Variants in SPIRE1 observed in about 807,000 individuals in gnomAD.
SPIRE1 encodes spire type actin nucleation factor 1.
Under a neutral mutation model 94.1 loss-of-function variants are expected in SPIRE1, and 40 were observed. That is an observed-to-expected ratio of 0.43 (90% CI 0.33 to 0.55). The LOEUF (loss-of-function observed/expected upper bound fraction) is 0.55, where lower values mean the gene tolerates loss of function less well. SPIRE1 is among the 20% of genes least tolerant of loss of function. The pLI, the probability that SPIRE1 is intolerant of heterozygous loss-of-function variation, is 0.06. For synonymous variants in SPIRE1, 376 were observed against 371.7 expected (o/e 1.01, Z -0.13); for missense variants, 838 against 975.2 (o/e 0.86, Z 1.87).
intron 2 of SPIRE1, among the ~76,000 whole-genome samples, chr18:12,592,828 AT>A (rs2036571051): frequency 6.6e-6 from 1 of 152,226 alleles, no homozygotes; most frequent in African/African-American, 2.4e-5. Context: ...GCTGTAGATA[AT>A]TAACTTCTAT....
intron 2 of SPIRE1, among the ~76,000 whole-genome samples, chr18:12,595,922 AG>A (rs2036659503): frequency 6.6e-6 from 1 of 152,234 alleles, no homozygotes; most frequent in Non-Finnish European, 1.5e-5. Context: ...ATTTGCCACA[AG>A]AAAAAAAAGA....
At chr18:12,470,205 C>A (rs2032296752) in intron 10 of SPIRE1, among the ~76,000 whole-genome samples, 1 of 152,082 alleles carries the variant, frequency 6.6e-6, no homozygotes, top group Admixed American at 6.6e-5. Context: ...ACCTTGGCCT[C>A]CAAAAGTACT....
chr18:12,631,501 C>T (rs2037773040), intron 2 of SPIRE1, among the ~76,000 whole-genome samples: 1 of 117,562 alleles, frequency 8.5e-6, no homozygotes, highest in African/African-American at 3.3e-5. Context: ...TGCTTGAGCT[C>T]AGGAGTTGGA....
In SPIRE1 at chr18:12,632,045, C is replaced by CA. The variant is rs36021269; in HGVS notation, c.372+3016dup. On this transcript the variant is annotated intron_variant, in intron 2 of 16. Transcript: ENST00000409402. ...GGGTGACAGAGCAAGACTCTGTCTC[C>CA]AAAAAAAAAAAAGGCTGGATCTCAT... is the stretch of plus-strand genomic sequence containing the variant. 3.8e-4 allele frequency among the ~76,000 whole-genome samples: 55 copies of CA among 143,358 alleles called. 2 individuals carry two copies. The South Asian group carries it at 4.4e-3, about 11-fold the overall frequency. 94.0% of individuals were successfully genotyped at this position (143,358 alleles called of 152,430 possible).
At chr18:12,489,864 T>C (rs925381215) in intron 8 of SPIRE1, among the ~76,000 whole-genome samples, 3 of 152,240 alleles carry the variant, frequency 2.0e-5, no homozygotes, top group African/African-American at 7.2e-5. Context: ...GTTGTTATTA[T>C]GGGTAACATT....
At chr18:12,625,244 C>T (rs2037589169) in intron 2 of SPIRE1, among the ~76,000 whole-genome samples, 1 of 152,216 alleles carries the variant, frequency 6.6e-6, no homozygotes, top group Non-Finnish European at 1.5e-5. Flanking sequence ...ACAATTTCCT[C>T]TGAGGACGTA....
At chr18:12,596,095 A>G (rs1274445103) in intron 2 of SPIRE1, among the ~76,000 whole-genome samples, 1 of 152,148 alleles carries the variant, frequency 6.6e-6, no homozygotes, top group East Asian at 1.9e-4. Context: ...GTTCTTTAGC[A>G]CTCTAGGTTG....
intron 2 of SPIRE1, among the ~76,000 whole-genome samples, chr18:12,560,849 T>C (rs1321331900): frequency 1.3e-5 from 2 of 151,990 alleles, no homozygotes; most frequent in Non-Finnish European, 2.9e-5. Context: ...CAAGACTCCA[T>C]CTCAAAAAAA....
Position 12,472,502 on chromosome 18 carries a change from C to T in SPIRE1, c.1404+7197G>A, listed in dbSNP as rs138084594. Among the ~76,000 whole-genome samples, 1,105 of 150,696 alleles carry T rather than the reference C, an allele frequency of 7.3e-3. 9 individuals are homozygous for T. Among genetic ancestry groups the T allele is most frequent in the Non-Finnish European group, 0.012 (788 of 67,654 alleles). ...CCCACCTCAGCCTCCCAAGTAGCTG[C>T]GATTACAGGGATATGCCACCATGCC... On this transcript the variant is annotated intron_variant, in intron 10 of 16. Coordinates refer to ENST00000409402, the MANE Select transcript of SPIRE1 (RefSeq NM_001128626.2).
chr18:12,486,041 G>A, intron 8 of SPIRE1, 41 bp from the exon 9 acceptor site: 1 of 1,471,000 alleles, frequency 6.8e-7, no homozygotes, highest in Non-Finnish European at 9.2e-7. Flanking sequence ...AAATAATTCA[G>A]CTGTTAGGAA....
chr18:12,615,327 CA>C (rs1234229698), intron 2 of SPIRE1, among the ~76,000 whole-genome samples: 4 of 2,188 alleles, frequency 1.8e-3, no homozygotes, highest in South Asian at 0.019. Context: ...AACTCTGTCT[CA>C]AAAAAAAAAA....
At chr18:12,646,151 G>A (rs1414378322) in intron 1 of SPIRE1, among the ~76,000 whole-genome samples, 2 of 152,076 alleles carry the variant, frequency 1.3e-5, no homozygotes, top group Non-Finnish European at 1.5e-5. Context: ...ACCATATAAC[G>A]TCCTCCACAT....
chr18:12,587,259 A>G (rs1170337309), intron 2 of SPIRE1, among the ~76,000 whole-genome samples: 1 of 152,170 alleles, frequency 6.6e-6, no homozygotes, highest in African/African-American at 2.4e-5. Context: ...TGAAGTGAAA[A>G]GAGTACTGGA....
intron 2 of SPIRE1, among the ~76,000 whole-genome samples, chr18:12,611,658 A>C (rs2037144618): frequency 6.6e-6 from 1 of 152,066 alleles, no homozygotes; most frequent in African/African-American, 2.4e-5. Context: ...GTGACTCTTA[A>C]GTTTTACTTT....
At chr18:12,529,058 T>C (rs938074445) in intron 4 of SPIRE1, among the ~76,000 whole-genome samples, 5 of 151,976 alleles carry the variant, frequency 3.3e-5, no homozygotes, top group African/African-American at 9.7e-5. Context: ...AGGGAGATAA[T>C]AGGGCAACGC....
chr18:12,525,052 A>G (rs1208375484), intron 4 of SPIRE1, among the ~76,000 whole-genome samples: 3 of 151,756 alleles, frequency 2.0e-5, no homozygotes, highest in Non-Finnish European at 4.4e-5. Flanking sequence ...CGAGGCAGGC[A>G]GATCATGAGG....
Position 12,657,627 on chromosome 18 carries a change from G to GTGGCGGGGC in SPIRE1, c.231_239dup (p.Gln77_Arg79dup), listed in dbSNP as rs2038589316. 1 of 1,313,448 alleles carries GTGGCGGGGC rather than the reference G, an allele frequency of 7.6e-7. No homozygotes were observed. The highest frequency in any genetic ancestry group is 3.2e-5 in the East Asian group (1 of 31,506). 81.4% of individuals were successfully genotyped at this position (1,313,448 alleles called of 1,614,324 possible). A position where few individuals can be genotyped will look rare whatever the true frequency, so the allele number is the denominator to read the frequency against. ...GGATCTGCGCGGCCGAGCGCACACG[G>GTGGCGGGGC]TGGCGGGGCTGGCGGCGGCGGGCGG... On this transcript the variant is annotated inframe_insertion, in exon 1 of 17. Transcript: ENST00000409402.
At chr18:12,456,658 G>A (rs961352475) in intron 12 of SPIRE1, among the ~76,000 whole-genome samples, 5 of 152,154 alleles carry the variant, frequency 3.3e-5, no homozygotes, top group African/African-American at 1.2e-4. Context: ...TAACTGGGCT[G>A]TAAACCCTTC....
Position 12,618,396 on chromosome 18 carries a change from G to A in SPIRE1, c.372+16666C>T, listed in dbSNP as rs562073728. 1.4e-4 allele frequency among the ~76,000 whole-genome samples: 22 copies of A among 152,056 alleles called. No individual in the cohort carries two copies. In the South Asian group the frequency reaches 1.5e-3, roughly 10 times the overall value. On this transcript the variant is annotated intron_variant, in intron 2 of 16. Coordinates refer to ENST00000409402, the MANE Select transcript of SPIRE1 (RefSeq NM_001128626.2). ...ATTACAGGCGAGAGCCACCGCGCCC[G>A]GCCACTATAAGGTATTTATTAATTA...
Sources: gnomAD v4.1 joint callset for allele counts (sites outside exome capture counted in the v4.1 genomes callset) on GRCh38, gnomAD v4.1.1 for gene constraint, MANE v1.5 for transcripts, NCBI Gene and HGNC (gene_info 2026-07-23, HGNC 2026-07-21) for gene names.